NKD1: variants seen among roughly 807,000 people sequenced by gnomAD.
NKD1 encodes protein naked cuticle homolog 1.
A neutral mutation model predicts 56.0 loss-of-function variants in NKD1; 21 were observed. That is an observed-to-expected ratio of 0.38 (90% CI 0.27 to 0.54). The LOEUF is 0.54. NKD1 is among the 20% of genes least tolerant of loss of function. The pLI, the probability that NKD1 is intolerant of heterozygous loss-of-function variation, is 0.82. For synonymous variants in NKD1, 263 were observed against 265.7 expected, an observed-to-expected ratio of 0.99 and a Z score of 0.10; for missense variants, 578 against 642.7, an observed-to-expected ratio of 0.90 and a Z score of 1.09.
At chr16:50,550,351 T>C (rs1960353210) in intron 3 of NKD1, among the ~76,000 whole-genome samples, 2 of 151,076 alleles carry the variant, frequency 1.3e-5, no homozygotes, top group African/African-American at 4.8e-5. Flanking sequence ...GATGTGACAT[T>C]TAATTTTTTT....
chr16:50,549,363 G>C, intron 2 of NKD1, 59 bp from the exon 3 acceptor site: 3 of 1,579,386 alleles, frequency 1.9e-6, no homozygotes, highest in Non-Finnish European at 2.6e-6. Context: ...TTCCCTCCGC[G>C]GGGGTAACTT....
intron 3 of NKD1, among the ~76,000 whole-genome samples, chr16:50,559,197 A>G (rs1300315170): frequency 6.6e-6 from 1 of 152,204 alleles, no homozygotes; most frequent in African/African-American, 2.4e-5. Flanking sequence ...TCAGCAAGTT[A>G]AAGAATAAAG....
In NKD1 at chr16:50,634,421, C is replaced by G. The variant is rs980162309; in HGVS notation, c.*640C>G. The G allele has an allele frequency of 1.0e-4, 16 of 152,436 alleles. No homozygotes were observed. Among genetic ancestry groups the G allele is most frequent in the Admixed American group, 1.0e-3 (16 of 15,280 alleles). 9.4% of individuals were successfully genotyped at this position (152,436 alleles called of 1,614,324 possible). On this transcript the variant is annotated 3_prime_UTR_variant, in exon 10 of 10. Transcript: ENST00000268459. ...AGAGTCCCATCTCTTCTGCCATGCA[C>G]GACATGAAAATCCACTTCTCTTCCT...
rs1962544823 is a variant in NKD1 at position 50,639,797 on chromosome 16, C to T, written c.*6016C>T. On this transcript the variant is annotated 3_prime_UTR_variant, in exon 10 of 10. Coordinates refer to ENST00000268459, the MANE Select transcript of NKD1 (RefSeq NM_033119.5). Reference sequence around the variant, plus strand: ...CAACTAGGGTGGGTCCACAGTGGCCCCTGGTGCATGGACCACACACTCTCT... The same window carrying T: ...CAACTAGGGTGGGTCCACAGTGGCCTCTGGTGCATGGACCACACACTCTCT... 6.6e-6 allele frequency: 1 copy of T among 152,184 alleles called. No homozygotes were observed. Among genetic ancestry groups the T allele is most frequent in the Non-Finnish European group, 1.5e-5 (1 of 68,042 alleles). The allele number at this position is 152,184 out of a possible 1,614,324, so 9.4% of individuals were successfully genotyped here. A position where few individuals can be genotyped will look rare whatever the true frequency, so the allele number is the denominator to read the frequency against.
At chr16:50,554,316 G>T (rs1960453466) in intron 3 of NKD1, among the ~76,000 whole-genome samples, 1 of 152,158 alleles carries the variant, frequency 6.6e-6, no homozygotes, top group African/African-American at 2.4e-5. Flanking sequence ...TGGATGGATC[G>T]ATGGACAGTG....
At chr16:50,580,747 G>A (rs914069764) in intron 3 of NKD1, among the ~76,000 whole-genome samples, 1 of 152,110 alleles carries the variant, frequency 6.6e-6, no homozygotes, top group African/African-American at 2.4e-5. Context: ...AATATCATTG[G>A]CATCAACCTC....
At position 50,549,531 on chromosome 16, in the gene NKD1, G is replaced by C. The variant is rs143219157; in HGVS notation, c.168G>C (p.Ala56=). The C allele has an allele frequency of 6.2e-7, 1 of 1,605,064 alleles. No individual in the cohort carries two copies. The highest frequency in any genetic ancestry group is 1.1e-5 in the South Asian group (1 of 90,388). The stretch of plus-strand genomic sequence containing the variant: ...CGGGACCCCGACAGCTGCGGTTGGC[G>C]GGCACCATAGGCCGAAGCACCCGGG... ...GVSGPRQLRL[A]GTIGRSTREL... The change falls in exon 3 of 10, where the codon GCG becomes GCC. Residue 56 remains alanine (A), a synonymous_variant. Transcript: ENST00000268459.
At chr16:50,563,598 C>G (rs543853343) in intron 3 of NKD1, among the ~76,000 whole-genome samples, 28 of 148,518 alleles carry the variant, frequency 1.9e-4, no homozygotes, top group African/African-American at 6.2e-4. Context: ...TCAGTGGGCA[C>G]AGCCCTGGAT....
chr16:50,593,382 T>C (rs987100877), intron 3 of NKD1, among the ~76,000 whole-genome samples: 3 of 152,198 alleles, frequency 2.0e-5, no homozygotes, highest in Non-Finnish European at 4.4e-5. Flanking sequence ...AGGACCCCTT[T>C]TGCATCCCCT....
intron 3 of NKD1, among the ~76,000 whole-genome samples, chr16:50,599,381 A>G (rs1218456997): frequency 6.6e-6 from 1 of 152,084 alleles, no homozygotes; most frequent in African/African-American, 2.4e-5. Flanking sequence ...AGTCAGGTAG[A>G]CTCATTTGTA....
rs1355854304 is a variant in NKD1, at chr16:50,639,903, C to T, written c.*6122C>T. Reference sequence around the variant, plus strand: ...TTGAAAACTTCTCTTCCCAGTCTTCCCACTTTGCTTGGGGGTCCTTGGTCA... The same window carrying T: ...TTGAAAACTTCTCTTCCCAGTCTTCTCACTTTGCTTGGGGGTCCTTGGTCA... On this transcript the variant is annotated 3_prime_UTR_variant, in exon 10 of 10. Transcript: ENST00000268459. 2.0e-5 allele frequency: 3 copies of T among 152,218 alleles called. No individual in the cohort carries two copies. The highest frequency in any genetic ancestry group is 7.2e-5 in the African/African-American group (3 of 41,432). The allele number at this position is 152,218 out of a possible 1,614,324, so 9.4% of individuals were successfully genotyped here. A position where few individuals can be genotyped will look rare whatever the true frequency, so the allele number is the denominator to read the frequency against.
rs1962475919 is a variant in NKD1 at position 50,636,719 on chromosome 16, T to C, written c.*2938T>C. 6.6e-6 allele frequency: 1 copy of C among 152,182 alleles called. No individual in the cohort carries two copies. Among genetic ancestry groups the C allele is most frequent in the Non-Finnish European group, 1.5e-5 (1 of 68,022 alleles). The allele number at this position is 152,182 out of a possible 1,614,324, so 9.4% of individuals were successfully genotyped here. A position where few individuals can be genotyped will look rare whatever the true frequency, so the allele number is the denominator to read the frequency against. On this transcript the variant is annotated 3_prime_UTR_variant, in exon 10 of 10. Transcript: ENST00000268459. ...GCTGTTCTTTACCAGAATAAATGCA[T>C]TTCTATATCTTCCCATATGCATTTT...
chr16:50,562,254 G>T, intron 3 of NKD1: 7 of 970,394 alleles, frequency 7.2e-6, no homozygotes, highest in Non-Finnish European at 8.6e-6. Flanking sequence ...AACATTCATA[G>T]GCCATGGTCC....
intron 3 of NKD1, among the ~76,000 whole-genome samples, chr16:50,596,088 C>T (rs559482786): frequency 3.3e-5 from 5 of 152,362 alleles, no homozygotes; most frequent in South Asian, 2.1e-4. Context: ...TACACAGCCC[C>T]TGGCTTCCTA....
intron 3 of NKD1, chr16:50,571,624 C>T (rs957372745): frequency 5.6e-5 from 37 of 663,404 alleles, no homozygotes; most frequent in South Asian, 1.3e-4. Flanking sequence ...CCCCTTCCTT[C>T]CCTGCAGAGC....
chr16:50,630,689 A>C (rs1356469902), intron 7 of NKD1, 137 bp from the exon 8 acceptor site: 8 of 692,404 alleles, frequency 1.2e-5, no homozygotes, highest in Non-Finnish European at 1.9e-5. Context: ...GGTAGCCTTG[A>C]GACCCCTTTA....
At chr16:50,628,467 G>T (rs1029421270) in intron 6 of NKD1, among the ~76,000 whole-genome samples, 1 of 152,196 alleles carries the variant, frequency 6.6e-6, no homozygotes, top group African/African-American at 2.4e-5. Flanking sequence ...CCATGGATGG[G>T]GTTGCTTCAT....
chr16:50,564,824 T>TA lies in NKD1; in HGVS notation c.192+15279dup, dbSNP rs916022910. Among the ~76,000 whole-genome samples the TA allele has an allele frequency of 3.7e-4, 55 of 148,478 alleles. No individual in the cohort carries two copies. In the East Asian group the frequency reaches 7.2e-3, roughly 20 times the overall value. ...CTGTAAATTAAGTCGTACGCATGGTTAAAAAAAAAAGAAAAGAAAATCCAA... is the reference window on the plus strand; with the variant it reads ...CTGTAAATTAAGTCGTACGCATGGTTAAAAAAAAAAAGAAAAGAAAATCCAA... On this transcript the variant is annotated intron_variant, in intron 3 of 9. Coordinates refer to ENST00000268459, the MANE Select transcript of NKD1 (RefSeq NM_033119.5).
rs1961533498 is a variant in NKD1, at chr16:50,598,837, T to G, written c.193-9457T>G. Among the ~76,000 whole-genome samples the G allele has an allele frequency of 7.3e-6, 1 of 136,760 alleles. No homozygotes were observed. The allele number at this position is 136,760 out of a possible 152,430, so 89.7% of individuals were successfully genotyped here. On this transcript the variant is annotated intron_variant, in intron 3 of 9. Transcript: ENST00000268459. The surrounding 1 kb of genome is among the most constrained non-coding windows in gnomAD (Gnocchi z 4.2). ...TGCGATGTGCAGTGGCATGGTAGAG[T>G]CAGTGGTGCAATGTTCAGTGGTGTG...
Sources: gnomAD v4.1 joint callset for allele counts (sites outside exome capture counted in the v4.1 genomes callset) on GRCh38, gnomAD v4.1.1 for gene constraint, Gnocchi (gnomAD v3.1) non-coding constraint, MANE v1.5 for transcripts, NCBI Gene and HGNC (gene_info 2026-07-23, HGNC 2026-07-21) for gene names.